Variants in C15orf40 observed in about 807,000 individuals in gnomAD.
C15orf40 encodes chromosome 15 open reading frame 40.
A neutral mutation model predicts 13.9 loss-of-function variants in C15orf40; 9 were observed. That is an observed-to-expected ratio of 0.65 (90% confidence interval 0.39 to 1.13). The LOEUF is 1.13. Ranked by LOEUF, C15orf40 falls within the 50% of genes most tolerant of loss-of-function variation. C15orf40 has a pLI of 0.01. For synonymous variants in C15orf40, 95 were observed against 69.2 expected, an observed-to-expected ratio of 1.37 and a Z score of -1.85; for missense variants, 225 against 188.5, an observed-to-expected ratio of 1.19 and a Z score of -1.13.
chr15:82,990,735 A>G (rs1197029751), downstream of C15orf40: 2 of 1,209,048 alleles, frequency 1.7e-6, no homozygotes, highest in Admixed American at 2.1e-5. Context: ...ATCATTTTAT[A>G]CAAACACTAA....
At position 83,001,911 on chromosome 15, in the gene C15orf40, T is replaced by G. The variant is rs901028655; in HGVS notation, c.*3686A>C. The stretch of plus-strand genomic sequence containing the variant: ...GTTTTGTTTTGTTTGTTTCTGTTTT[T>G]TTGTTGTTGTTATTGAGACAGAGCC... On this transcript the variant is annotated 3_prime_UTR_variant, in exon 4 of 4. Coordinates refer to ENST00000304177, the MANE Select transcript of C15orf40 (RefSeq NM_144597.3). 6.6e-6 allele frequency: 1 copy of G among 152,364 alleles called. No homozygotes were observed. Among genetic ancestry groups the G allele is most frequent in the African/African-American group, 2.4e-5 (1 of 41,424 alleles). The allele number at this position is 152,364 out of a possible 1,614,324, so 9.4% of individuals were successfully genotyped here.
intron 1 of C15orf40, 97 bp downstream of exon 1, chr15:83,011,400 C>G (rs1395388872): frequency 5.3e-6 from 7 of 1,312,010 alleles, no homozygotes; most frequent in Non-Finnish European, 7.1e-6. Flanking sequence ...AAGCCGCTGG[C>G]AGTGCCTCCA....
At position 82,995,814 on chromosome 15, in the gene C15orf40, T is replaced by C. The variant is rs1036297933; in HGVS notation, c.*9783A>G. ...ACAAACAGGCAACAAAAACAGCTAA[T>C]ATGTGATTCGACTGCCCCATTGCAG... On this transcript the variant is annotated 3_prime_UTR_variant, in exon 4 of 4. Coordinates refer to ENST00000304177, the MANE Select transcript of C15orf40 (RefSeq NM_144597.3). 6.6e-6 allele frequency: 1 copy of C among 152,326 alleles called. No individual in the cohort carries two copies. The allele number at this position is 152,326 out of a possible 1,614,324, so 9.4% of individuals were successfully genotyped here. A position where few individuals can be genotyped will look rare whatever the true frequency, so the allele number is the denominator to read the frequency against.
rs746173552 is a variant in C15orf40, at chr15:83,005,074, T to G, written c.*523A>C. The stretch of plus-strand genomic sequence containing the variant: ...TCTGTTATTTTACAACGCCATGAAA[T>G]CAGAGTAACATGTTCCAGGCTGTTT... On this transcript the variant is annotated 3_prime_UTR_variant, in exon 4 of 4. Coordinates refer to ENST00000304177, the MANE Select transcript of C15orf40 (RefSeq NM_144597.3). The G allele has an allele frequency of 1.0e-4, 124 of 1,193,648 alleles. No homozygotes were observed. Among genetic ancestry groups the G allele is most frequent in the Non-Finnish European group, 1.3e-4 (124 of 929,804 alleles). 73.9% of individuals were successfully genotyped at this position (1,193,648 alleles called of 1,614,324 possible).
At chr15:83,010,411 C>G (rs1479631304) in intron 1 of C15orf40, 48 bp from the exon 2 acceptor site, 1 of 1,608,278 alleles carries the variant, frequency 6.2e-7, no homozygotes, top group East Asian at 2.2e-5. Context: ...TATTTTCCCA[C>G]ACATTTAATT....
chr15:83,011,625 C>T lies in C15orf40; in HGVS notation c.-18G>A, dbSNP rs536775050. On this transcript the variant is annotated 5_prime_UTR_variant, in exon 1 of 4. Transcript: ENST00000304177. ...CGCAGCATCCCCGCCTGGGAAGGCG[C>T]CGGAAGAGCCCTCTGCGCTTGCGCA... 483 of 1,550,482 alleles carry T rather than the reference C, an allele frequency of 3.1e-4. 2 individuals are homozygous for T. The highest frequency in any genetic ancestry group is 2.4e-4 in the Admixed American group (13 of 53,436).
At position 83,004,933 on chromosome 15, in the gene C15orf40, C is replaced by T. The variant is rs778677402; in HGVS notation, c.*664G>A. 19 of 1,298,806 alleles carry T rather than the reference C, an allele frequency of 1.5e-5. No individual in the cohort carries two copies. The highest frequency in any genetic ancestry group is 1.7e-5 in the Non-Finnish European group (17 of 983,420). The allele number at this position is 1,298,806 out of a possible 1,614,324, so 80.5% of individuals were successfully genotyped here. A position where few individuals can be genotyped will look rare whatever the true frequency, so the allele number is the denominator to read the frequency against. The stretch of plus-strand genomic sequence containing the variant: ...AGTCCAAGGATTTGGGTTCTAGTTG[C>T]CAGCTTGCATGGTACAATCTTGAGT... On this transcript the variant is annotated 3_prime_UTR_variant, in exon 4 of 4. Coordinates refer to ENST00000304177, the MANE Select transcript of C15orf40 (RefSeq NM_144597.3).
At chr15:83,010,991 C>T (rs1419030163) in intron 1 of C15orf40, 1 of 156,120 alleles carries the variant, frequency 6.4e-6, no homozygotes, top group East Asian at 1.9e-4. Flanking sequence ...GGCAAATCAG[C>T]ATTGGGGCAC....
Position 83,005,115 on chromosome 15 carries a change from A to G in C15orf40, c.*482T>C, listed in dbSNP as rs1209472685. ...CAGGCTGTTTGGGGTTTGGGATTTTAGAACCTGATGCAATGTATAGCACTT... is the reference window on the plus strand; with the variant it reads ...CAGGCTGTTTGGGGTTTGGGATTTTGGAACCTGATGCAATGTATAGCACTT... On this transcript the variant is annotated 3_prime_UTR_variant, in exon 4 of 4. Transcript: ENST00000304177. The G allele has an allele frequency of 7.1e-6, 8 of 1,132,940 alleles. No individual in the cohort carries two copies. Among genetic ancestry groups the G allele is most frequent in the African/African-American group, 3.3e-5 (2 of 61,340 alleles). The allele number at this position is 1,132,940 out of a possible 1,614,324, so 70.2% of individuals were successfully genotyped here.
downstream of C15orf40, chr15:82,990,542 G>A (rs1241476980): frequency 1.2e-5 from 9 of 765,758 alleles, no homozygotes; most frequent in Non-Finnish European, 1.8e-5. Flanking sequence ...TAAAACAATT[G>A]CTTTTTTTTT....
chr15:83,008,003 C>G (rs1178500908), intron 3 of C15orf40: 3 of 155,232 alleles, frequency 1.9e-5, no homozygotes, highest in African/African-American at 7.2e-5. Context: ...ACCAGCCTGT[C>G]CAACATGGTG....
chr15:83,008,505 C>T (rs1270112649), intron 3 of C15orf40, 43 bp downstream of exon 3: 1 of 1,592,812 alleles, frequency 6.3e-7, no homozygotes, highest in Admixed American at 1.7e-5. Flanking sequence ...GGCGACAGAG[C>T]AAGATTTTGT....
At position 82,996,653 on chromosome 15, in the gene C15orf40, TAAAATA is replaced by T. The variant is rs2031093182; in HGVS notation, c.*8938_*8943del. ...GTGAGACTCCGTCTCAAAATAAAAT[TAAAATA>T]AAATAAAATAATAAAATAAAATAAA... On this transcript the variant is annotated 3_prime_UTR_variant, in exon 4 of 4. Coordinates refer to ENST00000304177, the MANE Select transcript of C15orf40 (RefSeq NM_144597.3). 1 of 139,894 alleles carries T rather than the reference TAAAATA, an allele frequency of 7.1e-6. No individual in the cohort carries two copies. Among genetic ancestry groups the T allele is most frequent in the Non-Finnish European group, 1.6e-5 (1 of 63,240 alleles). 8.7% of individuals were successfully genotyped at this position (139,894 alleles called of 1,614,324 possible). A position where few individuals can be genotyped will look rare whatever the true frequency, so the allele number is the denominator to read the frequency against.
At chr15:83,008,718 T>C (rs1391336965) in intron 2 of C15orf40, 43 bp from the exon 3 acceptor site, 1 of 1,537,052 alleles carries the variant, frequency 6.5e-7, no homozygotes, top group South Asian at 1.2e-5. Context: ...AGGAGTTCTT[T>C]TTCTTCATGA....
Position 82,995,541 on chromosome 15 carries a change from T to G in C15orf40, c.*10056A>C, listed in dbSNP as rs1361263898. The G allele has an allele frequency of 6.6e-6, 1 of 152,294 alleles. No individual in the cohort carries two copies. Among genetic ancestry groups the G allele is most frequent in the African/African-American group, 2.4e-5 (1 of 41,430 alleles). The allele number at this position is 152,294 out of a possible 1,614,324, so 9.4% of individuals were successfully genotyped here. A position where few individuals can be genotyped will look rare whatever the true frequency, so the allele number is the denominator to read the frequency against. ...GGCTCACGCCTGTAATCCCATCACT[T>G]TGGGAGGCCAAGGTGGAAGGATCAC... On this transcript the variant is annotated 3_prime_UTR_variant, in exon 4 of 4. Transcript: ENST00000304177.
At position 83,004,779 on chromosome 15, in the gene C15orf40, G is replaced by C. The variant is rs547365353; in HGVS notation, c.*818C>G. The C allele has an allele frequency of 9.4e-7, 1 of 1,060,640 alleles. No homozygotes were observed. The highest frequency in any genetic ancestry group is 8.9e-5 in the East Asian group (1 of 11,266). The allele number at this position is 1,060,640 out of a possible 1,614,324, so 65.7% of individuals were successfully genotyped here. Reference sequence around the variant, plus strand: ...ATAAGCATTTAAAAATCTAAGGTAAGACTACAAAGCAGCATAACAGGTTTT... The same window carrying C: ...ATAAGCATTTAAAAATCTAAGGTAACACTACAAAGCAGCATAACAGGTTTT... On this transcript the variant is annotated 3_prime_UTR_variant, in exon 4 of 4. Coordinates refer to ENST00000304177, the MANE Select transcript of C15orf40 (RefSeq NM_144597.3).
Position 83,005,635 on chromosome 15 carries a change from TCTC to T in C15orf40, c.421_423del (p.Glu141del), listed in dbSNP as rs1203977594. On this transcript the variant is annotated inframe_deletion, in exon 4 of 4. Coordinates refer to ENST00000304177, the MANE Select transcript of C15orf40 (RefSeq NM_144597.3). ...GCTTCCTTTTTTAATTTCTCCAAGA[TCTC>T]TTCTGGAGTTGTAGAAGCCAAAAGC... The T allele has an allele frequency of 1.2e-6, 2 of 1,612,352 alleles. No homozygotes were observed. The highest frequency in any genetic ancestry group is 1.7e-6 in the Non-Finnish European group (2 of 1,179,260).
rs921305168 is a variant in C15orf40, at chr15:82,999,824, T to C, written c.*5773A>G. On this transcript the variant is annotated 3_prime_UTR_variant, in exon 4 of 4. Transcript: ENST00000304177. ...TGGGGATTCTTCCCTCCCCAAACTC[T>C]ATCTAGGGGACCGATGGACCCTGAG... 3.3e-4 allele frequency: 50 copies of C among 152,160 alleles called. 4 individuals carry two copies. 9.4% of individuals were successfully genotyped at this position (152,160 alleles called of 1,614,324 possible).
In C15orf40 at chr15:83,011,608, C is replaced by G; in HGVS notation, c.-1G>C. On this transcript the variant is annotated 5_prime_UTR_variant, in exon 1 of 4. Transcript: ENST00000304177. ...TCAGCCCGCTGCGGAGCCGCAGCAT[C>G]CCCGCCTGGGAAGGCGCCGGAAGAG... 1.9e-6 allele frequency: 3 copies of G among 1,576,312 alleles called. No homozygotes were observed. The highest frequency in any genetic ancestry group is 2.6e-6 in the Non-Finnish European group (3 of 1,165,220).
Sources: gnomAD v4.1 joint callset for allele counts on GRCh38, gnomAD v4.1.1 for gene constraint, MANE v1.5 for transcripts, NCBI Gene and HGNC (gene_info 2026-07-23, HGNC 2026-07-21) for gene names.